The following FRMPD4 variants were observed in gnomAD, a reference collection of about 807,000 sequenced individuals.
FRMPD4 encodes FERM and PDZ domain-containing protein 4.
FRMPD4 carries 22 observed loss-of-function variants against 94.1 expected under a neutral mutation model. The ratio of observed to expected loss-of-function variants is 0.23; its 90% confidence interval spans 0.17 to 0.33. FRMPD4 has a LOEUF of 0.33. FRMPD4 is among the 10% of genes least tolerant of loss of function. FRMPD4 has a pLI of 1.00. For missense variants in FRMPD4, 1,111 were observed against 1,339.9 expected (o/e 0.83, Z 2.67); for synonymous variants, 631 against 548.6 (o/e 1.15, Z -2.10).
At chrX:12,282,123 T>C (rs765871662) in intron 1 of FRMPD4, among the ~76,000 whole-genome samples, 8 of 112,380 alleles carry the variant, frequency 7.1e-5, no homozygotes, top group Non-Finnish European at 1.5e-4. Context: ...TGTAAACCAA[T>C]CTAAAATGTA....
chrX:12,610,005 A>G (rs2059166087), intron 3 of FRMPD4, 124 bp downstream of exon 3: 1 of 619,834 alleles, frequency 1.6e-6, no homozygotes, highest in African/African-American at 2.2e-5. Flanking sequence ...CAAAACCTGG[A>G]TAGAGTCACT....
At chrX:12,251,816 A>G (rs2054043771) in intron 1 of FRMPD4, among the ~76,000 whole-genome samples, 1 of 111,893 alleles carries the variant, frequency 8.9e-6, no homozygotes, top group African/African-American at 3.3e-5. Flanking sequence ...ACTGTCTAAA[A>G]GCAGAAGGTC....
exon 1 of FRMPD4, among the ~76,000 whole-genome samples, chrX:11,822,681 C>A (rs958140366): frequency 8.9e-6 from 1 of 112,271 alleles, no homozygotes; most frequent in African/African-American, 3.2e-5. Flanking sequence ...GTGGCCAGGG[C>A]AGAGGCCAAG....
At chrX:12,715,998 G>GCCGGGGGGGGCCCCC in intron 14 of FRMPD4, 71 bp from the exon 15 acceptor site, 1 of 383,856 alleles carries the variant, frequency 2.6e-6, no homozygotes, top group Non-Finnish European at 4.7e-6. Flanking sequence ...ACAGAGACGA[G>GCCGGGGGGGGCCCCC]CCTCCCACCC....
chrX:12,335,380 A>G (rs1029627631), intron 1 of FRMPD4, among the ~76,000 whole-genome samples: 3 of 111,623 alleles, frequency 2.7e-5, no homozygotes, highest in African/African-American at 9.8e-5. Flanking sequence ...CTCCTGCCTC[A>G]GCCTCCCACA....
At chrX:12,155,537 A>G (rs2055920933) in intron 1 of FRMPD4, among the ~76,000 whole-genome samples, 1 of 91,402 alleles carries the variant, frequency 1.1e-5, no homozygotes, top group Admixed American at 1.5e-4. Context: ...TGAACCTCTT[A>G]TCATTGTAGA....
intron 1 of FRMPD4, among the ~76,000 whole-genome samples, chrX:12,260,248 T>C (rs2054171753): frequency 9.0e-6 from 1 of 111,357 alleles, no homozygotes; most frequent in Non-Finnish European, 1.9e-5. Flanking sequence ...CTTACCTGAA[T>C]TTCAGAATAT....
intron 1 of FRMPD4, among the ~76,000 whole-genome samples, chrX:12,427,768 C>A (rs756598339): frequency 1.3e-4 from 15 of 111,164 alleles, no homozygotes; most frequent in Non-Finnish European, 2.5e-4. Context: ...AACTCTCATA[C>A]CTTATTTATT....
chrX:12,711,956 A>G (rs1461376611), intron 14 of FRMPD4, among the ~76,000 whole-genome samples: 1 of 111,631 alleles, frequency 9.0e-6, no homozygotes, highest in Admixed American at 9.5e-5. Context: ...GAATGGAAGC[A>G]GCTCAGTCAT....
At chrX:12,507,593 T>A (rs1054771523) in intron 2 of FRMPD4, among the ~76,000 whole-genome samples, 3 of 111,897 alleles carry the variant, frequency 2.7e-5, no homozygotes, top group Non-Finnish European at 5.6e-5. Context: ...AGCTGACACA[T>A]GTTTTATGTT....
chrX:12,723,309 G>A lies in FRMPD4; in HGVS notation c.*1451G>A, dbSNP rs2042273962. ...AGTTACATGCACTCCTACTTAGACA[G>A]GTGGCTCCTTAAGAACATGATGGGA... On this transcript the variant is annotated 3_prime_UTR_variant, in exon 17 of 17. Coordinates refer to ENST00000675598, the MANE Select transcript of FRMPD4 (RefSeq NM_001368397.1). The A allele has an allele frequency of 9.0e-6, 1 of 111,040 alleles. No individual in the cohort carries two copies. Among genetic ancestry groups the A allele is most frequent in the African/African-American group, 3.3e-5 (1 of 30,444 alleles). 9.2% of individuals were successfully genotyped at this position (111,040 alleles called of 1,213,427 possible).
At chrX:12,153,485 G>T (rs1202667519) in intron 1 of FRMPD4, among the ~76,000 whole-genome samples, 3 of 111,994 alleles carry the variant, frequency 2.7e-5, no homozygotes, top group South Asian at 3.7e-4. Flanking sequence ...GATGAAACAC[G>T]CATAGGAGGC....
At chrX:12,579,372 T>G (rs1439675200) in intron 2 of FRMPD4, among the ~76,000 whole-genome samples, 1 of 112,414 alleles carries the variant, frequency 8.9e-6, no homozygotes, top group Non-Finnish European at 1.9e-5. Flanking sequence ...GACTGCAGAC[T>G]CTAGCCTATC....
intron 2 of FRMPD4, among the ~76,000 whole-genome samples, chrX:12,529,655 T>A (rs1179986718): frequency 1.8e-5 from 2 of 112,282 alleles, no homozygotes. Context: ...GATCAACCAA[T>A]CTTTAACATG....
chrX:11,828,598 G>A (rs763928107), intron 1 of FRMPD4, among the ~76,000 whole-genome samples: 6 of 112,058 alleles, frequency 5.4e-5, no homozygotes, highest in Non-Finnish European at 1.1e-4. Flanking sequence ...TGGCAAGTGT[G>A]TGCCCCATCG....
chrX:11,887,121 C>T (rs1284933561), intron 3 of FRMPD4, among the ~76,000 whole-genome samples: 1 of 111,865 alleles, frequency 8.9e-6, no homozygotes, highest in Non-Finnish European at 1.9e-5. Flanking sequence ...CAATCTTGGC[C>T]TTTTAACTTC....
intron 1 of FRMPD4, among the ~76,000 whole-genome samples, chrX:11,829,191 C>G (rs1486196074): frequency 8.9e-6 from 1 of 111,742 alleles, no homozygotes; most frequent in Admixed American, 9.5e-5. Context: ...CTACAAATAC[C>G]CAAAATAATG....
At chrX:12,360,376 T>A (rs2055966457) in intron 1 of FRMPD4, among the ~76,000 whole-genome samples, 1 of 111,835 alleles carries the variant, frequency 8.9e-6, no homozygotes, top group Non-Finnish European at 1.9e-5. Flanking sequence ...TATAGTTCAC[T>A]GGGAACATAT....
At chrX:12,464,656 A>ATG (rs1207966707) in intron 1 of FRMPD4, among the ~76,000 whole-genome samples, 1 of 112,175 alleles carries the variant, frequency 8.9e-6, no homozygotes, top group Non-Finnish European at 1.9e-5. Context: ...AAATGATGGT[A>ATG]TATACATGAC....
Sources: gnomAD v4.1 joint callset for allele counts (sites outside exome capture counted in the v4.1 genomes callset) on GRCh38, gnomAD v4.1.1 for gene constraint, MANE v1.5 for transcripts, NCBI Gene and HGNC (gene_info 2026-07-23, HGNC 2026-07-21) for gene names.